The following FAM133B variants were observed in gnomAD, a reference collection of about 807,000 sequenced individuals.
FAM133B encodes family with sequence similarity 133 member B.
Under a neutral mutation model 46.4 loss-of-function variants are expected in FAM133B, and 25 were observed. The ratio of observed to expected loss-of-function variants is 0.54; its 90% CI spans 0.39 to 0.75. The LOEUF is 0.75. FAM133B is among the 30% of genes least tolerant of loss of function. The probability of loss-of-function intolerance (pLI) is 0.00; values close to 1 mark genes in which losing one functional copy is unlikely to be tolerated. For synonymous variants in FAM133B, 75 were observed against 86.0 expected (o/e 0.87, Z 0.71); for missense variants, 205 against 277.6 (o/e 0.74, Z 1.86).
chr7:92,563,198 T>C (rs1483902366), intron 10 of FAM133B, among the ~76,000 whole-genome samples: 1 of 152,206 alleles, frequency 6.6e-6, no homozygotes. Flanking sequence ...CAGAGCTTCC[T>C]ATCCATTTCC....
intron 1 of FAM133B, among the ~76,000 whole-genome samples, chr7:92,584,039 G>GACTGTCTCAAAA (rs1794966014): frequency 9.8e-6 from 1 of 101,644 alleles, no homozygotes; most frequent in South Asian, 3.6e-4. Flanking sequence ...GAAAGAGCAA[G>GACTGTCTCAAAA]ACTGTCTCAA....
chr7:92,573,163 C>CT (rs376920507), intron 8 of FAM133B, among the ~76,000 whole-genome samples: 12,480 of 118,304 alleles, frequency 0.11, 668 homozygotes, highest in Non-Finnish European at 0.13. Flanking sequence ...AGTTTGGGGA[C>CT]TTTTTTTTTT....
intron 1 of FAM133B, among the ~76,000 whole-genome samples, chr7:92,586,846 C>T (rs765785515): frequency 2.6e-5 from 4 of 152,104 alleles, no homozygotes; most frequent in Non-Finnish European, 4.4e-5. Flanking sequence ...AAGAACACTT[C>T]GGAAAATAAC....
In FAM133B at chr7:92,578,166, T is replaced by G; in HGVS notation, c.293A>C (p.Lys98Thr). The G allele has an allele frequency of 1.2e-6, 2 of 1,610,344 alleles. No homozygotes were observed. The highest frequency in any genetic ancestry group is 1.7e-6 in the Non-Finnish European group (2 of 1,178,764). ...TTTGCTCACCCTACCAGATTTCTTC[T>G]TTTCTTTTTTCTTTCTCTAAATGGA... Reference protein sequence around the residue: ...SKKRQRKKKEKKKSGRYSSSS... With the variant: ...SKKRQRKKKETKKSGRYSSSS... The change falls in exon 5 of 11, where the codon AAG (lysine) becomes ACG (threonine). Residue 98 changes from lysine to threonine, a missense_variant. Coordinates refer to ENST00000445716, the MANE Select transcript of FAM133B (RefSeq NM_152789.4).
intron 9 of FAM133B, 101 bp downstream of exon 9, chr7:92,569,722 G>T: frequency 1.7e-6 from 1 of 575,876 alleles, no homozygotes; most frequent in Non-Finnish European, 2.8e-6. Context: ...CTAGAAAGGT[G>T]AATAAATTAA....
intron 10 of FAM133B, among the ~76,000 whole-genome samples, chr7:92,565,051 G>A (rs939871298): frequency 4.0e-5 from 6 of 151,608 alleles, no homozygotes; most frequent in Non-Finnish European, 7.4e-5. Context: ...TGATTTGGAA[G>A]TAACTATTAT....
intron 1 of FAM133B, chr7:92,581,921 G>A (rs1436318894): frequency 4.7e-6 from 1 of 213,416 alleles, no homozygotes; most frequent in African/African-American, 2.3e-5. Flanking sequence ...AACCCTGTGA[G>A]GGTGATAACA....
At chr7:92,578,428 C>T (rs986017158) in intron 3 of FAM133B, 35 bp from the exon 4 acceptor site, 4 of 1,573,052 alleles carry the variant, frequency 2.5e-6, no homozygotes, top group African/African-American at 2.7e-5. Flanking sequence ...CAGAGACTAT[C>T]TAACCTTTCC....
At chr7:92,575,875 G>C in intron 7 of FAM133B, 54 bp from the exon 8 acceptor site, 2 of 828,376 alleles carry the variant, frequency 2.4e-6, no homozygotes, top group Non-Finnish European at 3.8e-6. Context: ...CAGCATTACA[G>C]AACAAGGACA....
intron 8 of FAM133B, among the ~76,000 whole-genome samples, chr7:92,572,091 T>C (rs567883274): frequency 1.3e-5 from 2 of 152,246 alleles, no homozygotes; most frequent in African/African-American, 2.4e-5. Context: ...CTTTATATAA[T>C]TATAATAGAC....
At chr7:92,563,632 C>G (rs1436407726) in intron 10 of FAM133B, among the ~76,000 whole-genome samples, 1 of 152,186 alleles carries the variant, frequency 6.6e-6, no homozygotes, top group Non-Finnish European at 1.5e-5. Context: ...TCTTTGACCT[C>G]AGGACGATAA....
At chr7:92,572,529 C>A (rs1794562343) in intron 8 of FAM133B, among the ~76,000 whole-genome samples, 1 of 152,108 alleles carries the variant, frequency 6.6e-6, no homozygotes, top group Admixed American at 6.6e-5. Context: ...AACAGCCTGA[C>A]CAACATGGTG....
intron 8 of FAM133B, among the ~76,000 whole-genome samples, chr7:92,573,609 TCA>T (rs1195905986): frequency 1.3e-5 from 2 of 152,046 alleles, no homozygotes; most frequent in African/African-American, 2.4e-5. Context: ...AAATTGCAGT[TCA>T]GTTTTAATAT....
intron 10 of FAM133B, among the ~76,000 whole-genome samples, chr7:92,562,752 GTT>G (rs1794198950): frequency 6.6e-6 from 1 of 152,166 alleles, no homozygotes. Flanking sequence ...TTGTAAAATA[GTT>G]TTCAGACAGA....
intron 10 of FAM133B, 92 bp downstream of exon 10, chr7:92,565,922 C>T (rs1794332667): frequency 7.6e-7 from 1 of 1,319,954 alleles, no homozygotes; most frequent in Admixed American, 1.9e-5. Flanking sequence ...TTATTTGGTC[C>T]CAGTAAATCC....
At chr7:92,576,846 C>T (rs1280476400) in intron 7 of FAM133B, among the ~76,000 whole-genome samples, 1 of 152,108 alleles carries the variant, frequency 6.6e-6, no homozygotes, top group Non-Finnish European at 1.5e-5. Context: ...TTTATCTGAA[C>T]TCTAACTTCT....
At chr7:92,581,794 TTGTGTGTG>T (rs10578440) in intron 1 of FAM133B, 191 bp from the exon 2 acceptor site, 30,385 of 315,624 alleles carry the variant, frequency 0.096, 1,195 homozygotes, top group African/African-American at 0.15. Context: ...TGGGAGAAAA[TTGTGTGTG>T]TGTGTGTGTG....
intron 10 of FAM133B, among the ~76,000 whole-genome samples, chr7:92,562,575 C>T (rs1301197078): frequency 6.6e-6 from 1 of 152,108 alleles, no homozygotes; most frequent in Non-Finnish European, 1.5e-5. Flanking sequence ...TAGGGAGAAA[C>T]TCTTAAGTCA....
chr7:92,585,710 T>A (rs1050586670), intron 1 of FAM133B, among the ~76,000 whole-genome samples: 6 of 151,944 alleles, frequency 3.9e-5, no homozygotes, highest in East Asian at 1.9e-4. Flanking sequence ...AATTTAAAAA[T>A]CAGAAAAATT....
Sources: allele counts gnomAD v4.1 joint callset (sites outside exome capture counted in the v4.1 genomes callset), GRCh38; gene constraint gnomAD v4.1.1; transcripts MANE v1.5; gene names NCBI Gene and HGNC (gene_info 2026-07-23, HGNC 2026-07-21).